The following ARHGEF33 variants were observed in gnomAD, a reference collection of about 807,000 sequenced individuals.
ARHGEF33 encodes the protein DH and coiled-coil domain-containing protein ENSP00000381780.
In ARHGEF33, 72 loss-of-function variants were observed where a neutral mutation model predicts 101.9. The observed-to-expected ratio is 0.71, with a 90% CI of 0.58 to 0.86. The LOEUF (loss-of-function observed/expected upper bound fraction) is 0.86. Among genes scored for constraint, ARHGEF33 ranks in the 40% least tolerant of loss-of-function variants. The pLI is 0.00. For synonymous variants in ARHGEF33, 499 were observed against 442.5 expected (o/e 1.13, Z -1.60); for missense variants, 1,169 against 1,111.3 (o/e 1.05, Z -0.74).
rs557083642 is a variant in ARHGEF33 at position 38,910,830 on chromosome 2, C to G, written c.-85-8533C>G. Among the ~76,000 whole-genome samples the G allele has an allele frequency of 7.2e-5, 11 of 152,210 alleles. No individual in the cohort carries two copies. The South Asian group carries it at 1.9e-3, about 26-fold the overall frequency. On this transcript the variant is annotated intron_variant, in intron 2 of 17. Coordinates refer to ENST00000409978, the MANE Select transcript of ARHGEF33 (RefSeq NM_001145451.5). ...AGGAATTGATACCTTTTTTTAGTGACAATGGTACCTTAAAGTGGTACCTTA... is the reference window on the plus strand; with the variant it reads ...AGGAATTGATACCTTTTTTTAGTGAGAATGGTACCTTAAAGTGGTACCTTA...
intron 8 of ARHGEF33, 27 bp from the exon 9 acceptor site, chr2:38,937,308 T>TCCCTCCCCAAC: frequency 1.7e-6 from 1 of 593,046 alleles, no homozygotes; most frequent in Non-Finnish European, 2.9e-6. Context: ...TTTCTTTGTT[T>TCCCTCCCCAAC]CCCCGCCCCT....
At chr2:38,899,319 T>A (rs1277608263) in intron 2 of ARHGEF33, among the ~76,000 whole-genome samples, 1 of 152,176 alleles carries the variant, frequency 6.6e-6, no homozygotes, top group African/African-American at 2.4e-5. Flanking sequence ...GTAAAATTGC[T>A]AGTATAAACA....
At chr2:38,948,400 A>C (rs1177338453) in intron 10 of ARHGEF33, among the ~76,000 whole-genome samples, 1 of 152,090 alleles carries the variant, frequency 6.6e-6, no homozygotes, top group Non-Finnish European at 1.5e-5. Flanking sequence ...GCCTTCTCCA[A>C]CCCCACCCTG....
chr2:38,950,763 G>T (rs1236609353), intron 10 of ARHGEF33, among the ~76,000 whole-genome samples: 1 of 152,132 alleles, frequency 6.6e-6, no homozygotes, highest in Non-Finnish European at 1.5e-5. Context: ...ATACACATTT[G>T]TATAGAAGCC....
chr2:38,893,078 C>T (rs1263980618), intron 1 of ARHGEF33, among the ~76,000 whole-genome samples: 1 of 152,208 alleles, frequency 6.6e-6, no homozygotes, highest in African/African-American at 2.4e-5. Flanking sequence ...CCTGTCTAGC[C>T]TCACCTTCTA....
chr2:38,960,450 G>A lies in ARHGEF33; in HGVS notation c.2145G>A (p.Ala715=). Residue 715 remains alanine, a synonymous_variant, in exon 16 of 18, where the codon GCG becomes GCA. Coordinates refer to ENST00000409978, the MANE Select transcript of ARHGEF33 (RefSeq NM_001145451.5). The part of the protein sequence containing the change: ...LSRSLKEFPR[A]PPADGVAPRL... Reference sequence around the variant, plus strand: ...GCTCTCTCAAAGAGTTCCCGCGTGCGCCGCCAGCCGACGGCGTGGCCCCAC... The same window carrying A: ...GCTCTCTCAAAGAGTTCCCGCGTGCACCGCCAGCCGACGGCGTGGCCCCAC... 1 of 1,494,150 alleles carries A rather than the reference G, an allele frequency of 6.7e-7. No individual in the cohort carries two copies. Among genetic ancestry groups the A allele is most frequent in the Non-Finnish European group, 8.9e-7 (1 of 1,128,556 alleles). The allele number at this position is 1,494,150 out of a possible 1,614,324, so 92.6% of individuals were successfully genotyped here.
At chr2:38,900,411 T>C (rs1666213859) in intron 2 of ARHGEF33, among the ~76,000 whole-genome samples, 1 of 152,012 alleles carries the variant, frequency 6.6e-6, no homozygotes, top group South Asian at 2.1e-4. Flanking sequence ...GGATAGAAGA[T>C]GGGAGGAACA....
chr2:38,952,434 G>A (rs1667635044), intron 11 of ARHGEF33, among the ~76,000 whole-genome samples: 1 of 152,176 alleles, frequency 6.6e-6, no homozygotes, highest in African/African-American at 2.4e-5. Flanking sequence ...ACTAGAAAAT[G>A]TTGTGAACTA....
intron 1 of ARHGEF33, 58 bp from the exon 2 acceptor site, chr2:38,895,719 G>T (rs6735132): frequency 6.6e-6 from 1 of 150,408 alleles, no homozygotes; most frequent in Non-Finnish European, 1.5e-5. Flanking sequence ...AAAAATGATG[G>T]TATAAAATGC....
intron 7 of ARHGEF33, among the ~76,000 whole-genome samples, chr2:38,932,527 G>T (rs978856110): frequency 6.6e-6 from 1 of 152,132 alleles, no homozygotes. Flanking sequence ...TGGGGACCGG[G>T]TTCATTGCAG....
At chr2:38,938,650 G>A (rs1417245850) in intron 9 of ARHGEF33, among the ~76,000 whole-genome samples, 1 of 152,090 alleles carries the variant, frequency 6.6e-6, no homozygotes, top group Non-Finnish European at 1.5e-5. Context: ...TTTTACATGT[G>A]TCTATCCCCT....
Position 38,958,261 on chromosome 2 carries a change from G to T in ARHGEF33, c.1535+63G>T, listed in dbSNP as rs79465908. The T allele has an allele frequency of 8.5e-6, 13 of 1,530,282 alleles. 1 individual carries two copies. The African/African-American group carries it at 1.8e-4, about 21-fold the overall frequency. The allele number at this position is 1,530,282 out of a possible 1,614,324, so 94.8% of individuals were successfully genotyped here. A position where few individuals can be genotyped will look rare whatever the true frequency, so the allele number is the denominator to read the frequency against. ...CCTTTGGGACCCAGCCAGTCTGTGC[G>T]GGTTAGCAGGGCAGCCTAGATTCCT... On this transcript the variant is annotated intron_variant, in intron 15 of 17. Coordinates refer to ENST00000409978, the MANE Select transcript of ARHGEF33 (RefSeq NM_001145451.5).
intron 17 of ARHGEF33, among the ~76,000 whole-genome samples, chr2:38,970,459 AC>A (rs1668143233): frequency 6.6e-6 from 1 of 152,118 alleles, no homozygotes; most frequent in African/African-American, 2.4e-5. Flanking sequence ...TCCCACTCTT[AC>A]CCACTTTGGG....
intron 1 of ARHGEF33, among the ~76,000 whole-genome samples, chr2:38,894,288 C>T (rs1450525951): frequency 2.6e-5 from 4 of 151,854 alleles, no homozygotes; most frequent in African/African-American, 9.7e-5. Context: ...GCCACAATCA[C>T]ACCACTGCAC....
intron 2 of ARHGEF33, among the ~76,000 whole-genome samples, chr2:38,909,782 T>G (rs1206728192): frequency 6.6e-6 from 1 of 151,144 alleles, no homozygotes; most frequent in East Asian, 1.9e-4. Context: ...TAAGCACTTG[T>G]GTATCTTCAT....
intron 2 of ARHGEF33, among the ~76,000 whole-genome samples, chr2:38,912,118 T>C (rs918269156): frequency 3.3e-5 from 5 of 152,200 alleles, no homozygotes; most frequent in Non-Finnish European, 1.5e-5. Flanking sequence ...TCACTTAACA[T>C]TATTTTCCCC....
intron 1 of ARHGEF33, among the ~76,000 whole-genome samples, chr2:38,890,399 T>G (rs1410810595): frequency 6.6e-6 from 1 of 152,088 alleles, no homozygotes; most frequent in Non-Finnish European, 1.5e-5. Flanking sequence ...GGAGGGAGAT[T>G]GGTTTATTCC....
chr2:38,940,214 T>C (rs1296706132), intron 9 of ARHGEF33, among the ~76,000 whole-genome samples: 1 of 152,240 alleles, frequency 6.6e-6, no homozygotes, highest in East Asian at 1.9e-4. Flanking sequence ...TTCATTTATA[T>C]AGATCTTGAA....
chr2:38,902,193 G>A (rs1395962415), intron 2 of ARHGEF33, among the ~76,000 whole-genome samples: 2 of 151,794 alleles, frequency 1.3e-5, no homozygotes, highest in African/African-American at 4.8e-5. Flanking sequence ...CTTTCAACTG[G>A]CTGAAGTATT....
Sources: allele counts gnomAD v4.1 joint callset (sites outside exome capture counted in the v4.1 genomes callset), GRCh38; gene constraint gnomAD v4.1.1; transcripts MANE v1.5; gene names NCBI Gene and HGNC (gene_info 2026-07-23, HGNC 2026-07-21).